TMEM150C: variants seen among roughly 807,000 people sequenced by gnomAD.
The protein encoded by TMEM150C is tentonin 3.
A neutral mutation model predicts 29.9 loss-of-function variants in TMEM150C; 10 were observed. The ratio of observed to expected loss-of-function variants is 0.33; its 90% CI spans 0.21 to 0.57. The LOEUF is 0.57. Among genes scored for constraint, TMEM150C ranks in the 20% least tolerant of loss-of-function variants. TMEM150C has a pLI of 0.88. For synonymous variants in TMEM150C, 101 were observed against 112.5 expected, an observed-to-expected ratio of 0.90 and a Z score of 0.64; for missense variants, 251 against 303.6, an observed-to-expected ratio of 0.83 and a Z score of 1.29.
chr4:82,495,727 T>G (rs1723534417), intron 6 of TMEM150C: 1 of 313,136 alleles, frequency 3.2e-6, no homozygotes, highest in Non-Finnish European at 6.3e-6. Context: ...TTGTTTGTTG[T>G]TCCCACCACT....
Position 82,510,993 on chromosome 4 carries a change from T to C in TMEM150C, c.-10-6326A>G, listed in dbSNP as rs371017142. 2.1e-4 allele frequency among the ~76,000 whole-genome samples: 32 copies of C among 152,342 alleles called. 2 individuals are homozygous for C. The highest frequency in any genetic ancestry group is 4.6e-4 in the Admixed American group (7 of 15,296). On this transcript the variant is annotated intron_variant, in intron 1 of 7. Coordinates refer to ENST00000449862, the MANE Select transcript of TMEM150C (RefSeq NM_001080506.3). The stretch of plus-strand genomic sequence containing the variant: ...TGTTTATTTTGTTTTTCCCCTAAAA[T>C]GTTTGCAGGCTCTCGGATATAAATC...
intron 7 of TMEM150C, among the ~76,000 whole-genome samples, chr4:82,487,363 G>A (rs867216889): frequency 2.6e-5 from 4 of 152,234 alleles, no homozygotes; most frequent in African/African-American, 9.6e-5. Flanking sequence ...ATGGGAGGAT[G>A]GCTTGAACCC....
chr4:82,507,184 A>T (rs1217662413), intron 1 of TMEM150C, among the ~76,000 whole-genome samples: 2 of 152,210 alleles, frequency 1.3e-5, no homozygotes, highest in African/African-American at 4.8e-5. Context: ...AATGATCCAA[A>T]GTACTCAGAA....
At chr4:82,518,190 C>G (rs60050338) in intron 1 of TMEM150C, among the ~76,000 whole-genome samples, 1 of 152,078 alleles carries the variant, frequency 6.6e-6, no homozygotes, top group African/African-American at 2.4e-5. Flanking sequence ...TTGGTAGGCA[C>G]CTGTAATCCC....
At chr4:82,489,195 T>C (rs965974142) in intron 7 of TMEM150C, among the ~76,000 whole-genome samples, 2 of 151,188 alleles carry the variant, frequency 1.3e-5, no homozygotes, top group African/African-American at 4.9e-5. Flanking sequence ...CTCCACTCCA[T>C]GGAATGAGTG....
chr4:82,562,047 G>A (rs1024828926), upstream of TMEM150C: 2 of 1,152,026 alleles, frequency 1.7e-6, no homozygotes, highest in Non-Finnish European at 2.2e-6. Context: ...GCCCCCTCCT[G>A]CCGCGCCGGG....
chr4:82,556,866 T>C (rs2110095300), intron 1 of TMEM150C, among the ~76,000 whole-genome samples: 1 of 152,110 alleles, frequency 6.6e-6, no homozygotes, highest in South Asian at 2.1e-4. Flanking sequence ...TATCAGGGGG[T>C]GTTAATATCT....
chr4:82,497,329 A>G (rs1723589692), intron 5 of TMEM150C, among the ~76,000 whole-genome samples: 3 of 152,224 alleles, frequency 2.0e-5, no homozygotes, highest in Admixed American at 2.0e-4. Flanking sequence ...CAGGAAAGAC[A>G]ATTAGAAATT....
intron 1 of TMEM150C, among the ~76,000 whole-genome samples, chr4:82,518,087 G>A (rs1456351623): frequency 3.3e-5 from 5 of 152,056 alleles, no homozygotes; most frequent in African/African-American, 7.2e-5. Flanking sequence ...AGGCTGAGGC[G>A]GGCGGATCAT....
rs1723338167 is a variant in TMEM150C at position 82,491,296 on chromosome 4, T to C, written c.364-1058A>G. On this transcript the variant is annotated intron_variant, in intron 6 of 7. Transcript: ENST00000449862. ...GCCTGGGCCAACAGCTTCTGCTTCTTCTCTTGCTTTGTCTCTGGTCTGTAC... is the reference window on the plus strand; with the variant it reads ...GCCTGGGCCAACAGCTTCTGCTTCTCCTCTTGCTTTGTCTCTGGTCTGTAC... 7 of 679,302 alleles carry C rather than the reference T, an allele frequency of 1.0e-5. No individual in the cohort carries two copies. In the East Asian group the frequency reaches 1.9e-4, roughly 18 times the overall value. 42.1% of individuals were successfully genotyped at this position (679,302 alleles called of 1,614,324 possible).
intron 5 of TMEM150C, among the ~76,000 whole-genome samples, chr4:82,498,314 A>G (rs557928389): frequency 6.7e-6 from 1 of 149,322 alleles, no homozygotes; most frequent in East Asian, 2.0e-4. Context: ...TAATATAGAC[A>G]GAGTCCCTCT....
At chr4:82,540,657 T>C (rs887115662) in intron 1 of TMEM150C, among the ~76,000 whole-genome samples, 1 of 152,180 alleles carries the variant, frequency 6.6e-6, no homozygotes, top group Admixed American at 6.5e-5. Context: ...ACTATATTTT[T>C]ATCCTGACAC....
chr4:82,560,438 T>C (rs1725883188), intron 1 of TMEM150C, among the ~76,000 whole-genome samples: 1 of 152,214 alleles, frequency 6.6e-6, no homozygotes, highest in Non-Finnish European at 1.5e-5. Context: ...ATTTATTAAA[T>C]AATGTATAAA....
chr4:82,489,010 C>T (rs555196087), intron 7 of TMEM150C, among the ~76,000 whole-genome samples: 6 of 152,066 alleles, frequency 3.9e-5, no homozygotes, highest in Admixed American at 2.0e-4. Flanking sequence ...ACCTCAGCCT[C>T]CCCAGTAGCT....
intron 1 of TMEM150C, among the ~76,000 whole-genome samples, chr4:82,548,585 T>TGGCTG (rs1316825677): frequency 6.6e-6 from 1 of 152,176 alleles, no homozygotes; most frequent in Admixed American, 6.5e-5. Context: ...CTGAGCTTGC[T>TGGCTG]GGCTGGGCTC....
At chr4:82,490,271 C>G in intron 6 of TMEM150C, 33 bp from the exon 7 acceptor site, 1 of 1,595,796 alleles carries the variant, frequency 6.3e-7, no homozygotes, top group African/African-American at 1.3e-5. Context: ...CACATGAAGG[C>G]CCATTCAGCA....
chr4:82,539,820 G>A (rs1216621838), intron 1 of TMEM150C, among the ~76,000 whole-genome samples: 2 of 152,006 alleles, frequency 1.3e-5, no homozygotes, highest in African/African-American at 4.8e-5. Context: ...AAAATATTGA[G>A]GACTACCTAT....
chr4:82,538,545 G>A (rs775490844), intron 1 of TMEM150C, among the ~76,000 whole-genome samples: 9 of 152,122 alleles, frequency 5.9e-5, no homozygotes, highest in African/African-American at 1.4e-4. Context: ...TATGTACAAT[G>A]TAATCCCCAA....
intron 1 of TMEM150C, among the ~76,000 whole-genome samples, chr4:82,519,391 C>T (rs962553431): frequency 2.0e-5 from 3 of 151,668 alleles, no homozygotes; most frequent in East Asian, 1.9e-4. Context: ...TCTATATATA[C>T]GATGTTCTTT....
Sources: gnomAD v4.1 joint callset for allele counts (sites outside exome capture counted in the v4.1 genomes callset) on GRCh38, gnomAD v4.1.1 for gene constraint, MANE v1.5 for transcripts, NCBI Gene and HGNC (gene_info 2026-07-23, HGNC 2026-07-21) for gene names.